The following CHRNA7 variants were observed in gnomAD, a reference collection of about 807,000 sequenced individuals.
CHRNA7 encodes the protein cholinergic receptor nicotinic alpha 7 subunit, also known as neuronal acetylcholine receptor subunit alpha-7.
Under a neutral mutation model 48.0 loss-of-function variants are expected in CHRNA7, and 17 were observed. That is an observed-to-expected ratio of 0.35 (90% confidence interval 0.24 to 0.53). The LOEUF is 0.53. Ranked by LOEUF, CHRNA7 falls within the 20% of genes least tolerant of loss-of-function variation. The pLI is 0.92. For synonymous variants in CHRNA7, 75 were observed against 242.3 expected (o/e 0.31, Z 6.41); for missense variants, 155 against 577.7 (o/e 0.27, Z 7.50).
chr15:32,103,802 G>T (rs2050614493), intron 3 of CHRNA7, among the ~76,000 whole-genome samples: 1 of 152,182 alleles, frequency 6.6e-6, no homozygotes, highest in Non-Finnish European at 1.5e-5. Flanking sequence ...TTGGATAAAT[G>T]TTAAAGCCAT....
chr15:32,058,295 C>G (rs1015653962), intron 2 of CHRNA7, among the ~76,000 whole-genome samples: 1 of 152,200 alleles, frequency 6.6e-6, no homozygotes, highest in African/African-American at 2.4e-5. Flanking sequence ...TTGACAGTAA[C>G]CATCAGTCAT....
At chr15:32,084,446 A>C (rs12899561) in intron 2 of CHRNA7, among the ~76,000 whole-genome samples, 3 of 152,216 alleles carry the variant, frequency 2.0e-5, no homozygotes, top group African/African-American at 7.2e-5. Flanking sequence ...GGCAATGTGC[A>C]TGAGCACATA....
In CHRNA7 at chr15:32,052,014, T is replaced by C. The variant is rs1324881794; in HGVS notation, c.195+20977T>C. Reference sequence around the variant, plus strand: ...AGTCTTGAGCTCAAAATTTTCCACTTTTCTCTTAAGTTTGTCAAGGTTTGC... The same window carrying C: ...AGTCTTGAGCTCAAAATTTTCCACTCTTCTCTTAAGTTTGTCAAGGTTTGC... On this transcript the variant is annotated intron_variant, in intron 2 of 9. Coordinates refer to ENST00000306901, the MANE Select transcript of CHRNA7 (RefSeq NM_000746.6). Among the ~76,000 whole-genome samples the C allele has an allele frequency of 3.3e-5, 5 of 152,118 alleles. No individual in the cohort carries two copies. The East Asian group carries it at 9.7e-4, about 29-fold the overall frequency.
chr15:32,049,580 T>C (rs1487901719), intron 2 of CHRNA7, among the ~76,000 whole-genome samples: 2 of 152,208 alleles, frequency 1.3e-5, no homozygotes, highest in Non-Finnish European at 2.9e-5. Context: ...AGCACACTGA[T>C]GGGTCTTGAC....
At chr15:32,096,359 G>T (rs7172276) in intron 2 of CHRNA7, among the ~76,000 whole-genome samples, 2,207 of 151,978 alleles carry the variant, frequency 0.015, 60 homozygotes, top group African/African-American at 0.05. Flanking sequence ...TTGATTTTTT[G>T]GAGTTTATTT....
chr15:32,134,820 T>TATAGCCATCAAAATTAAATTTTG (rs2051220579), intron 4 of CHRNA7, among the ~76,000 whole-genome samples: 1 of 152,072 alleles, frequency 6.6e-6, no homozygotes, highest in Non-Finnish European at 1.5e-5. Context: ...TGAGAAATAA[T>TATAGCCATCAAAATTAAATTTTG]ATAGCCATCA....
intron 3 of CHRNA7, among the ~76,000 whole-genome samples, chr15:32,107,520 G>A (rs377160510): frequency 1.3e-5 from 2 of 151,410 alleles, no homozygotes; most frequent in East Asian, 1.9e-4. Context: ...CTGGAGAAAA[G>A]ATTACATGGA....
At chr15:32,107,420 A>T (rs888049467) in intron 3 of CHRNA7, among the ~76,000 whole-genome samples, 1 of 151,008 alleles carries the variant, frequency 6.6e-6, no homozygotes, top group Admixed American at 6.6e-5. Context: ...ACTTAATAAA[A>T]TTTTAAATAA....
intron 2 of CHRNA7, among the ~76,000 whole-genome samples, chr15:32,091,823 TTTG>T (rs145190487): frequency 3.3e-5 from 5 of 152,288 alleles, no homozygotes; most frequent in South Asian, 2.1e-4. Context: ...CCTCTTGGAT[TTTG>T]TTGTTGTTGT....
chr15:32,103,171 C>T (rs997175129), intron 3 of CHRNA7: 5 of 152,054 alleles, frequency 3.3e-5, no homozygotes, highest in East Asian at 1.9e-4. Context: ...AGTTATCCTG[C>T]GAATACACGT....
At chr15:32,071,947 G>A (rs968724881) in intron 2 of CHRNA7, among the ~76,000 whole-genome samples, 33 of 152,070 alleles carry the variant, frequency 2.2e-4, no homozygotes, top group Non-Finnish European at 2.2e-4. Flanking sequence ...TGAAAATGAG[G>A]AATTAATTTT....
At chr15:32,030,687 G>C (rs1323137700) in intron 1 of CHRNA7, 38 bp downstream of exon 1, 3 of 1,556,254 alleles carry the variant, frequency 1.9e-6, no homozygotes, top group Admixed American at 1.9e-5. Flanking sequence ...CTCCTCCGTG[G>C]GATCCCGGGC....
intron 2 of CHRNA7, among the ~76,000 whole-genome samples, chr15:32,032,520 T>A (rs1236333087): frequency 6.6e-6 from 1 of 152,178 alleles, no homozygotes; most frequent in Non-Finnish European, 1.5e-5. Flanking sequence ...AAGCTAGATA[T>A]GTGATTATGG....
Position 32,142,049 on chromosome 15 carries a change from T to TG in CHRNA7, c.351-11853dup, listed in dbSNP as rs534141787. Among the ~76,000 whole-genome samples the TG allele has an allele frequency of 4.1e-3, 622 of 152,290 alleles. 8 individuals are homozygous for TG. Among genetic ancestry groups the TG allele is most frequent in the African/African-American group, 0.014 (598 of 41,562 alleles). ...TTGGACTATTCAGTATGATATTGGC[T>TG]GGGGGTTTGCCATAAATAGCTCTTA... is the stretch of plus-strand genomic sequence containing the variant. On this transcript the variant is annotated intron_variant, in intron 4 of 9. Coordinates refer to ENST00000306901, the MANE Select transcript of CHRNA7 (RefSeq NM_000746.6).
At chr15:32,035,101 T>G (rs201259162) in intron 2 of CHRNA7, among the ~76,000 whole-genome samples, 1 of 152,362 alleles carries the variant, frequency 6.6e-6, no homozygotes, top group South Asian at 2.1e-4. Flanking sequence ...TAAGTGAAAG[T>G]GCCTAAATTA....
chr15:32,060,057 G>A (rs2049854360), intron 2 of CHRNA7, among the ~76,000 whole-genome samples: 1 of 149,030 alleles, frequency 6.7e-6, no homozygotes, highest in Admixed American at 6.8e-5. Flanking sequence ...ATCCAGTTAT[G>A]CAAAACCAAA....
intron 4 of CHRNA7, among the ~76,000 whole-genome samples, chr15:32,142,205 T>C (rs1334287265): frequency 6.6e-5 from 10 of 152,250 alleles, no homozygotes; most frequent in African/African-American, 2.2e-4. Context: ...TGGTTCTGTT[T>C]ATGTGATGGA....
chr15:32,044,321 A>C (rs1009442304), intron 2 of CHRNA7, among the ~76,000 whole-genome samples: 1 of 141,350 alleles, frequency 7.1e-6, no homozygotes, highest in Admixed American at 7.3e-5. Context: ...TGTGTTGCCC[A>C]GGTTGGAGTG....
At chr15:32,106,553 G>A (rs551176046) in intron 3 of CHRNA7, among the ~76,000 whole-genome samples, 2 of 152,022 alleles carry the variant, frequency 1.3e-5, no homozygotes, top group Admixed American at 6.5e-5. Flanking sequence ...CTCTGCAGCC[G>A]GTTCCTCTGC....
Sources: allele counts gnomAD v4.1 joint callset (sites outside exome capture counted in the v4.1 genomes callset), GRCh38; gene constraint gnomAD v4.1.1; transcripts MANE v1.5; gene names NCBI Gene and HGNC (gene_info 2026-07-23, HGNC 2026-07-21).